ZBTB7C: variants seen among roughly 807,000 people sequenced by gnomAD.
The protein encoded by ZBTB7C is zinc finger and BTB domain containing 7C, also known as zinc finger and BTB domain-containing protein 7C.
In ZBTB7C, 8 loss-of-function variants were observed where a neutral mutation model predicts 25.7. The observed-to-expected ratio is 0.31, with a 90% CI of 0.18 to 0.56. ZBTB7C has a LOEUF of 0.56. Among genes scored for constraint, ZBTB7C ranks in the 20% least tolerant of loss-of-function variants. The pLI is 0.91. For missense variants in ZBTB7C, 824 were observed against 855.2 expected (o/e 0.96, Z 0.46); for synonymous variants, 394 against 369.0 (o/e 1.07, Z -0.78).
intron 3 of ZBTB7C, among the ~76,000 whole-genome samples, chr18:48,152,775 C>T (rs1330012405): frequency 2.0e-5 from 3 of 152,250 alleles, no homozygotes; most frequent in Non-Finnish European, 4.4e-5. Context: ...ATGGGACACA[C>T]ACTTGAAAAT....
intron 3 of ZBTB7C, among the ~76,000 whole-genome samples, chr18:48,119,885 G>A (rs2039569925): frequency 6.6e-6 from 1 of 152,194 alleles, no homozygotes; most frequent in South Asian, 2.1e-4. Context: ...CTTCAATAGC[G>A]GGGGTTGAGA....
chr18:48,232,114 G>A (rs1170058993), intron 2 of ZBTB7C, among the ~76,000 whole-genome samples: 1 of 152,208 alleles, frequency 6.6e-6, no homozygotes, highest in East Asian at 1.9e-4. Context: ...GGCAAAACGA[G>A]CCCAGGAGGC....
chr18:48,381,380 C>T (rs2145208465), intron 1 of ZBTB7C, among the ~76,000 whole-genome samples: 1 of 152,178 alleles, frequency 6.6e-6, no homozygotes, highest in South Asian at 2.1e-4. Context: ...ATAATCTGAA[C>T]ATTTTAAGAA....
intron 2 of ZBTB7C, among the ~76,000 whole-genome samples, chr18:48,279,153 C>T (rs1277783160): frequency 6.6e-6 from 1 of 152,048 alleles, no homozygotes; most frequent in East Asian, 1.9e-4. Context: ...ACGGTCCCCC[C>T]GGCACCCCCA....
chr18:48,379,034 G>A (rs1036356490), intron 1 of ZBTB7C, among the ~76,000 whole-genome samples: 3 of 152,060 alleles, frequency 2.0e-5, no homozygotes, highest in African/African-American at 7.2e-5. Context: ...ACTTATGAGG[G>A]GTTTATTAGG....
chr18:48,108,639 G>T (rs1266970470), intron 3 of ZBTB7C, among the ~76,000 whole-genome samples: 1 of 151,950 alleles, frequency 6.6e-6, no homozygotes, highest in Non-Finnish European at 1.5e-5. Flanking sequence ...ACAGGGTCTT[G>T]CTTTGTTGCC....
chr18:48,081,101 A>G (rs1467651421), intron 3 of ZBTB7C, among the ~76,000 whole-genome samples: 1 of 152,222 alleles, frequency 6.6e-6, no homozygotes, highest in African/African-American at 2.4e-5. Context: ...GAGTAACAAA[A>G]GCTAAAATTT....
At chr18:48,178,612 G>C (rs2041766712) in intron 3 of ZBTB7C, among the ~76,000 whole-genome samples, 2 of 152,174 alleles carry the variant, frequency 1.3e-5, no homozygotes, top group Admixed American at 1.3e-4. Context: ...AATTAGTTCT[G>C]AGAGACACTT....
intron 1 of ZBTB7C, among the ~76,000 whole-genome samples, chr18:48,360,365 A>G (rs1336860641): frequency 6.6e-6 from 1 of 152,202 alleles, no homozygotes; most frequent in Non-Finnish European, 1.5e-5. Context: ...ATATTTCTCA[A>G]ATATGAGGTT....
chr18:48,336,765 T>C (rs2046467295), intron 2 of ZBTB7C, among the ~76,000 whole-genome samples: 1 of 152,032 alleles, frequency 6.6e-6, no homozygotes, highest in African/African-American at 2.4e-5. Context: ...TTTCTGCCCC[T>C]ACCCAGTCCC....
chr18:48,353,421 G>A (rs917559711), intron 1 of ZBTB7C, among the ~76,000 whole-genome samples: 4 of 152,090 alleles, frequency 2.6e-5, no homozygotes, highest in African/African-American at 7.2e-5. Context: ...CAATCCATCC[G>A]TGGATTTGCT....
intron 3 of ZBTB7C, among the ~76,000 whole-genome samples, chr18:48,141,405 T>C (rs759660736): frequency 5.3e-5 from 8 of 152,154 alleles, no homozygotes; most frequent in Non-Finnish European, 8.8e-5. Context: ...CAAGGACCCA[T>C]GCATCTTTTC....
At chr18:48,308,141 T>C (rs1177557050) in intron 2 of ZBTB7C, among the ~76,000 whole-genome samples, 1 of 152,120 alleles carries the variant, frequency 6.6e-6, no homozygotes, top group Non-Finnish European at 1.5e-5. Context: ...ATGTCAGCCA[T>C]GCAAGGCCAT....
chr18:48,201,789 A>G (rs1267462436), intron 2 of ZBTB7C, among the ~76,000 whole-genome samples: 1 of 152,198 alleles, frequency 6.6e-6, no homozygotes, highest in East Asian at 1.9e-4. Flanking sequence ...TTCTAATCCG[A>G]GGCGCGCATC....
chr18:48,292,406 G>A (rs1369096798), intron 2 of ZBTB7C, among the ~76,000 whole-genome samples: 3 of 152,124 alleles, frequency 2.0e-5, no homozygotes, highest in Non-Finnish European at 4.4e-5. Flanking sequence ...TTAGGCCTGT[G>A]TGACTCCAGA....
rs1300204860 is a variant in ZBTB7C at position 48,029,329 on chromosome 18, G to T, written c.1791C>A (p.Ala597=). 2 of 1,540,498 alleles carry T rather than the reference G, an allele frequency of 1.3e-6. No individual in the cohort carries two copies. Among genetic ancestry groups the T allele is most frequent in the African/African-American group, 1.4e-5 (1 of 72,884 alleles). The change falls in exon 5 of 5, where the codon GCC becomes GCA. Residue 597 remains alanine (A), a synonymous_variant. Transcript: ENST00000590800. The part of the protein sequence containing the change: ...PYFPLPDPWA[A]GLAGLPGLAG... ...CGAGCCCAGGGAGGCCGGCCAGGCC[G>T]GCGGCCCAAGGGTCGGGCAGCGGGA... is the stretch of plus-strand genomic sequence containing the variant.
In ZBTB7C at chr18:48,212,978, G is replaced by A. The variant is rs115966272; in HGVS notation, c.-78-26983C>T. Among the ~76,000 whole-genome samples, 354 of 152,314 alleles carry A rather than the reference G, an allele frequency of 2.3e-3. 6 individuals carry two copies. Among genetic ancestry groups the A allele is most frequent in the African/African-American group, 8.3e-3 (344 of 41,540 alleles). On this transcript the variant is annotated intron_variant, in intron 2 of 4. Coordinates refer to ENST00000590800, the MANE Select transcript of ZBTB7C (RefSeq NM_001318841.2). ...AAACCCAAGTGCAGCCACGTACAAG[G>A]TCTGGCTTAGACCCACAAAGGGAAG... is the stretch of plus-strand genomic sequence containing the variant.
chr18:48,330,331 A>G (rs184441835), intron 2 of ZBTB7C, among the ~76,000 whole-genome samples: 2 of 152,250 alleles, frequency 1.3e-5, no homozygotes, highest in South Asian at 2.1e-4. Flanking sequence ...AAATTAAAGG[A>G]TGATGTGGAC....
intron 2 of ZBTB7C, among the ~76,000 whole-genome samples, chr18:48,260,095 G>A (rs1317445334): frequency 6.6e-6 from 1 of 152,096 alleles, no homozygotes; most frequent in African/African-American, 2.4e-5. Context: ...GCCCAAAACT[G>A]GAAACAGCCC....
Sources: allele counts gnomAD v4.1 joint callset (sites outside exome capture counted in the v4.1 genomes callset), GRCh38; gene constraint gnomAD v4.1.1; transcripts MANE v1.5; gene names NCBI Gene and HGNC (gene_info 2026-07-23, HGNC 2026-07-21).